LOC400499: variants seen among roughly 807,000 people sequenced by gnomAD.
chr16:11,391,769 T>C, the LOC400499 span: 2 of 1,232,238 alleles, frequency 1.6e-6, no homozygotes, highest in African/African-American at 1.5e-5. Flanking sequence ...AAGTGGCTAC[T>C]GCCCAACCAC....
the LOC400499 span, chr16:11,472,055 G>A: frequency 5.3e-6 from 2 of 377,558 alleles, no homozygotes; most frequent in South Asian, 3.0e-4. Context: ...GTGCATTATG[G>A]GATGTTTCGC....
At chr16:11,404,227 G>C in the LOC400499 span, among the ~76,000 whole-genome samples, 1 of 152,158 alleles carries the variant, frequency 6.6e-6, no homozygotes, top group Non-Finnish European at 1.5e-5. Context: ...GGTCATGCTT[G>C]ACGTTATTTT....
the LOC400499 span, chr16:11,457,053 AC>A: frequency 8.0e-6 from 12 of 1,503,606 alleles, no homozygotes; most frequent in South Asian, 2.5e-5. Context: ...GAGAATGCCC[AC>A]CCCCCCAAGA....
the LOC400499 span, among the ~76,000 whole-genome samples, chr16:11,481,108 C>T: frequency 7.2e-5 from 11 of 152,184 alleles, no homozygotes; most frequent in African/African-American, 2.7e-4. Context: ...ACAAAGGTCA[C>T]ATATTATATG....
chr16:11,487,812 GA>G, the LOC400499 span, among the ~76,000 whole-genome samples: 1 of 152,124 alleles, frequency 6.6e-6, no homozygotes, highest in East Asian at 1.9e-4. Context: ...GAATCCAGGA[GA>G]ATTTAATAAA....
the LOC400499 span, among the ~76,000 whole-genome samples, chr16:11,425,899 G>A: frequency 6.6e-6 from 1 of 151,946 alleles, no homozygotes; most frequent in South Asian, 2.1e-4. Context: ...TTGCAAAAAA[G>A]GAAAATTACA....
the LOC400499 span, among the ~76,000 whole-genome samples, chr16:11,424,924 C>T: frequency 6.6e-6 from 1 of 152,204 alleles, no homozygotes; most frequent in Non-Finnish European, 1.5e-5. Flanking sequence ...AATACGGTAA[C>T]AACTGGTGCC....
chr16:11,512,431 C>T, the LOC400499 span, among the ~76,000 whole-genome samples: 2 of 151,930 alleles, frequency 1.3e-5, no homozygotes, highest in African/African-American at 4.8e-5. Flanking sequence ...GGGGAAACCC[C>T]ATCTCTACTA....
the LOC400499 span, among the ~76,000 whole-genome samples, chr16:11,410,062 T>C: frequency 6.6e-6 from 1 of 152,196 alleles, no homozygotes; most frequent in African/African-American, 2.4e-5. Flanking sequence ...GAGGATCACT[T>C]GCACCCAGGA....
the LOC400499 span, among the ~76,000 whole-genome samples, chr16:11,397,793 GGGAGGGAT>G: frequency 7.1e-6 from 1 of 139,932 alleles, no homozygotes; most frequent in Non-Finnish European, 1.5e-5. Flanking sequence ...GAGGGAGGGA[GGGAGGGAT>G]GGACGGACGG....
the LOC400499 span, among the ~76,000 whole-genome samples, chr16:11,478,925 C>T: frequency 6.6e-6 from 1 of 152,184 alleles, no homozygotes; most frequent in East Asian, 1.9e-4. Flanking sequence ...TCTGCACAAG[C>T]TCTTTCTTTG....
chr16:11,404,021 C>T, the LOC400499 span, among the ~76,000 whole-genome samples: 4 of 152,218 alleles, frequency 2.6e-5, no homozygotes. Flanking sequence ...TGCTGCTCCA[C>T]ATGCAAACCT....
the LOC400499 span, chr16:11,446,900 G>C: frequency 5.2e-6 from 8 of 1,534,704 alleles, no homozygotes; most frequent in African/African-American, 8.2e-5. Flanking sequence ...ATGGGCAGGT[G>C]CAACGGGTGC....
At chr16:11,393,022 T>C in the LOC400499 span, among the ~76,000 whole-genome samples, 1 of 152,116 alleles carries the variant, frequency 6.6e-6, no homozygotes, top group Non-Finnish European at 1.5e-5. Flanking sequence ...GCCCGGCTAC[T>C]TTTTTCTATT....
the LOC400499 span, chr16:11,462,129 C>T: frequency 2.0e-6 from 3 of 1,509,596 alleles, no homozygotes; most frequent in Non-Finnish European, 2.7e-6. Flanking sequence ...GTCACGTTGG[C>T]CTGGTCACTC....
chr16:11,519,202 T>C, the LOC400499 span, among the ~76,000 whole-genome samples: 1 of 152,186 alleles, frequency 6.6e-6, no homozygotes, highest in African/African-American at 2.4e-5. Flanking sequence ...TGGAAAGTTC[T>C]CATTTTGCCC....
chr16:11,399,621 G>C, the LOC400499 span: 7 of 398,714 alleles, frequency 1.8e-5, no homozygotes, highest in African/African-American at 1.0e-4. Context: ...AGAGAATAGG[G>C]TACATGACCT....
chr16:11,508,024 A>G, the LOC400499 span, among the ~76,000 whole-genome samples: 1 of 152,212 alleles, frequency 6.6e-6, no homozygotes, highest in African/African-American at 2.4e-5. Context: ...CTTATTTGGA[A>G]AAAGGATCTT....
At chr16:11,445,253 T>G in the LOC400499 span, among the ~76,000 whole-genome samples, 2 of 151,944 alleles carry the variant, frequency 1.3e-5, no homozygotes, top group African/African-American at 4.8e-5. Context: ...AAACCCAGTC[T>G]CTACTAAAAA....
Sources: gnomAD v4.1 joint callset for allele counts (sites outside exome capture counted in the v4.1 genomes callset) on GRCh38, gnomAD v4.1.1 for gene constraint, MANE v1.5 for transcripts.